The following PRKAR2B variants were observed in gnomAD, a reference collection of about 807,000 sequenced individuals.
The protein encoded by PRKAR2B is protein kinase cAMP-dependent type II regulatory subunit beta.
In PRKAR2B, 14 loss-of-function variants were observed where a neutral mutation model predicts 49.9. That is an observed-to-expected ratio of 0.28 (90% confidence interval 0.19 to 0.44). The LOEUF (loss-of-function observed/expected upper bound fraction) is 0.44. Among genes scored for constraint, PRKAR2B ranks in the 20% least tolerant of loss-of-function variants. The pLI is 1.00. For synonymous variants in PRKAR2B, 196 were observed against 197.7 expected (o/e 0.99, Z 0.07); for missense variants, 393 against 537.9 (o/e 0.73, Z 2.67).
chr7:107,109,900 G>A (rs1032048721), intron 2 of PRKAR2B, among the ~76,000 whole-genome samples: 1 of 152,004 alleles, frequency 6.6e-6, no homozygotes, highest in South Asian at 2.1e-4. Flanking sequence ...CCCACCCCAC[G>A]GAAGGACATT....
At chr7:107,124,762 T>C (rs2115593389) in intron 3 of PRKAR2B, among the ~76,000 whole-genome samples, 1 of 152,262 alleles carries the variant, frequency 6.6e-6, no homozygotes, top group East Asian at 1.9e-4. Context: ...GTTAAAACCT[T>C]ACTTGTTAAC....
At chr7:107,132,270 C>CTAAG (rs1224285124) in intron 4 of PRKAR2B, among the ~76,000 whole-genome samples, 1 of 152,116 alleles carries the variant, frequency 6.6e-6, no homozygotes, top group Non-Finnish European at 1.5e-5. Flanking sequence ...AGTGATGGAG[C>CTAAG]TAAGATGTGG....
intron 2 of PRKAR2B, among the ~76,000 whole-genome samples, chr7:107,107,319 A>AGAGT (rs1795091072): frequency 6.6e-6 from 1 of 152,106 alleles, no homozygotes; most frequent in South Asian, 2.1e-4. Flanking sequence ...CCTGGGCGAC[A>AGAGT]GAGTGAGACT....
At chr7:107,158,627 G>T (rs1390568988) in intron 10 of PRKAR2B, among the ~76,000 whole-genome samples, 1 of 152,124 alleles carries the variant, frequency 6.6e-6, no homozygotes, top group East Asian at 1.9e-4. Context: ...GTGCATAGAA[G>T]ACTTTTCTGT....
In PRKAR2B at chr7:107,156,974, A is replaced by T; in HGVS notation, c.919-10A>T. On this transcript the variant is annotated splice_polypyrimidine_tract_variant and intron_variant, in intron 8 of 10. Transcript: ENST00000265717. ...TTTTCACCGTCTGTTTTTGTTATTG[A>T]TTCCAATAGGGAGATTCGGCTGATT... is the stretch of plus-strand genomic sequence containing the variant. 6.2e-7 allele frequency: 1 copy of T among 1,601,660 alleles called. No homozygotes were observed.
intron 2 of PRKAR2B, among the ~76,000 whole-genome samples, chr7:107,099,859 C>G (rs553705741): frequency 4.6e-5 from 7 of 152,190 alleles, no homozygotes; most frequent in Non-Finnish European, 1.0e-4. Flanking sequence ...TGGTCTTGAT[C>G]TCCTGACCTC....
intron 4 of PRKAR2B, among the ~76,000 whole-genome samples, chr7:107,138,948 G>A (rs574495266): frequency 3.3e-5 from 5 of 151,880 alleles, no homozygotes; most frequent in South Asian, 2.1e-4. Flanking sequence ...CAAAGTGCTG[G>A]GATTACAGCC....
chr7:107,071,220 G>T (rs1562846476), intron 2 of PRKAR2B, among the ~76,000 whole-genome samples: 2 of 152,170 alleles, frequency 1.3e-5, no homozygotes, highest in South Asian at 2.1e-4. Flanking sequence ...ATCATCTTTG[G>T]AGTTGATATA....
Position 107,159,749 on chromosome 7 carries a change from C to A in PRKAR2B, c.*167C>A. 1.8e-6 allele frequency: 1 copy of A among 568,346 alleles called. No homozygotes were observed. 35.2% of individuals were successfully genotyped at this position (568,346 alleles called of 1,614,324 possible). A position where few individuals can be genotyped will look rare whatever the true frequency, so the allele number is the denominator to read the frequency against. Reference sequence around the variant, plus strand: ...CAGTAGTGATTTAATAGTCAATAGGCTTTAACATCACTTTCTAAAGAGTAG... The same window carrying A: ...CAGTAGTGATTTAATAGTCAATAGGATTTAACATCACTTTCTAAAGAGTAG... On this transcript the variant is annotated 3_prime_UTR_variant, in exon 11 of 11. Transcript: ENST00000265717.
intron 1 of PRKAR2B, among the ~76,000 whole-genome samples, chr7:107,064,252 T>G (rs1483918460): frequency 2.0e-5 from 3 of 152,236 alleles, no homozygotes; most frequent in African/African-American, 4.8e-5. Context: ...AGACTCATGT[T>G]CATTCACAAG....
intron 1 of PRKAR2B, among the ~76,000 whole-genome samples, chr7:107,047,561 A>T (rs1043863325): frequency 3.8e-4 from 57 of 151,956 alleles, no homozygotes; most frequent in African/African-American, 1.4e-3. Flanking sequence ...AAATAGTACC[A>T]TTGGGGGAAA....
chr7:107,127,939 C>T (rs191141708), intron 3 of PRKAR2B, among the ~76,000 whole-genome samples: 1 of 152,140 alleles, frequency 6.6e-6, no homozygotes, highest in African/African-American at 2.4e-5. Context: ...ACTTGCTAAC[C>T]TAGGGGAAAA....
intron 2 of PRKAR2B, among the ~76,000 whole-genome samples, chr7:107,107,067 T>G (rs2116819761): frequency 6.6e-6 from 1 of 152,322 alleles, no homozygotes; most frequent in South Asian, 2.1e-4. Context: ...TTGGGTGCGG[T>G]GGCTCACGCC....
chr7:107,082,138 C>A (rs915422053), intron 2 of PRKAR2B: 2 of 152,088 alleles, frequency 1.3e-5, no homozygotes, highest in Non-Finnish European at 2.9e-5. Context: ...TTGTGGCTTT[C>A]TAAAAATAAA....
At chr7:107,118,285 T>C (rs994473628) in intron 2 of PRKAR2B, among the ~76,000 whole-genome samples, 12 of 152,024 alleles carry the variant, frequency 7.9e-5, no homozygotes, top group African/African-American at 2.9e-4. Flanking sequence ...ACAAATTGTG[T>C]AGGACATTTT....
intron 1 of PRKAR2B, among the ~76,000 whole-genome samples, chr7:107,047,519 G>C (rs1363194438): frequency 6.6e-6 from 1 of 150,460 alleles, no homozygotes; most frequent in South Asian, 2.1e-4. Flanking sequence ...ATAGCTTGCC[G>C]ACCCCTGGTT....
chr7:107,084,569 C>T (rs1776654445), intron 2 of PRKAR2B, among the ~76,000 whole-genome samples: 2 of 150,990 alleles, frequency 1.3e-5, no homozygotes, highest in Admixed American at 1.3e-4. Flanking sequence ...GGAGAAAACC[C>T]TTAATACTGG....
chr7:107,126,346 G>A (rs1336397978), intron 3 of PRKAR2B, among the ~76,000 whole-genome samples: 3 of 149,236 alleles, frequency 2.0e-5, no homozygotes, highest in Admixed American at 6.7e-5. Flanking sequence ...GCGTGAACCC[G>A]GGAGGCGGAG....
intron 4 of PRKAR2B, among the ~76,000 whole-genome samples, chr7:107,133,414 A>G (rs1391044056): frequency 6.6e-6 from 1 of 152,214 alleles, no homozygotes; most frequent in Non-Finnish European, 1.5e-5. Flanking sequence ...GCTGATGTTC[A>G]CCCTCTACCT....
Sources: allele counts gnomAD v4.1 joint callset (sites outside exome capture counted in the v4.1 genomes callset), GRCh38; gene constraint gnomAD v4.1.1; transcripts MANE v1.5; gene names NCBI Gene and HGNC (gene_info 2026-07-23, HGNC 2026-07-21).